DEAF1: variants seen among roughly 807,000 people sequenced by gnomAD.
The protein encoded by DEAF1 is DEAF1 transcription factor, also known as deformed epidermal autoregulatory factor 1 homolog.
A neutral mutation model predicts 58.9 loss-of-function variants in DEAF1; 53 were observed. The observed-to-expected ratio is 0.90, with a 90% CI of 0.72 to 1.13. The LOEUF (loss-of-function observed/expected upper bound fraction) is 1.13. Among genes scored for constraint, DEAF1 ranks in the 50% most tolerant of loss-of-function variants. The pLI is 0.00. For synonymous variants in DEAF1, 385 were observed against 340.4 expected (o/e 1.13, Z -1.44); for missense variants, 685 against 791.4 (o/e 0.87, Z 1.61).
chr11:684,866 G>T, intron 6 of DEAF1, 32 bp downstream of exon 6: 1 of 1,548,862 alleles, frequency 6.5e-7, no homozygotes, highest in East Asian at 2.4e-5. Flanking sequence ...GCCCCACCAA[G>T]TCATCCTGTT....
At position 673,136 on chromosome 11, in the gene DEAF1, G is replaced by A. The variant is rs141285272; in HGVS notation, c.1503+1400C>T. Among the ~76,000 whole-genome samples, 74 of 151,830 alleles carry A rather than the reference G, an allele frequency of 4.9e-4. 2 individuals carry two copies. Among genetic ancestry groups the A allele is most frequent in the Middle Eastern group, 3.4e-3 (1 of 294 alleles). On this transcript the variant is annotated intron_variant, in intron 10 of 11. Transcript: ENST00000382409. ...TGCACTCCAGCCTGGGTGATGGAGCGAGACTCCGTCTCAAAAAATAAAATA... is the reference window on the plus strand; with the variant it reads ...TGCACTCCAGCCTGGGTGATGGAGCAAGACTCCGTCTCAAAAAATAAAATA...
At chr11:685,839 G>C (rs936959391) in intron 5 of DEAF1, among the ~76,000 whole-genome samples, 4 of 148,974 alleles carry the variant, frequency 2.7e-5, no homozygotes, top group African/African-American at 7.5e-5. Context: ...AACATGGTTG[G>C]TCTCCATTAA....
chr11:681,679 G>A (rs1315073731), intron 6 of DEAF1, among the ~76,000 whole-genome samples: 1 of 151,930 alleles, frequency 6.6e-6, no homozygotes, highest in Non-Finnish European at 1.5e-5. Flanking sequence ...CAAAGTGCTA[G>A]GATTACAGGC....
intron 2 of DEAF1, 100 bp downstream of exon 2, chr11:691,401 C>T (rs764093232): frequency 4.9e-5 from 54 of 1,091,074 alleles, no homozygotes; most frequent in Non-Finnish European, 6.5e-5. Context: ...ACAGAGCAGA[C>T]GTTCACACAG....
intron 1 of DEAF1, chr11:704,249 C>T (rs1307651523): frequency 2.5e-6 from 2 of 785,254 alleles, no homozygotes; most frequent in Non-Finnish European, 3.5e-6. Flanking sequence ...CCCTGGCTGC[C>T]GGGCGCCTTC....
At chr11:669,722 G>C (rs1249320024) in intron 10 of DEAF1, among the ~76,000 whole-genome samples, 1 of 151,746 alleles carries the variant, frequency 6.6e-6, no homozygotes, top group Non-Finnish European at 1.5e-5. Flanking sequence ...CTGAGGTCAG[G>C]AGTTCAAGAC....
At chr11:650,509 A>G (rs1322150327) in intron 11 of DEAF1, among the ~76,000 whole-genome samples, 3 of 151,276 alleles carry the variant, frequency 2.0e-5, no homozygotes, top group Non-Finnish European at 2.9e-5. Context: ...ATGTTTGTTT[A>G]TTTATATGTT....
chr11:672,128 G>A (rs1236517221), intron 10 of DEAF1, among the ~76,000 whole-genome samples: 4 of 152,172 alleles, frequency 2.6e-5, no homozygotes, highest in Admixed American at 2.6e-4. Flanking sequence ...TACAGGTCCT[G>A]GGGAAACTAC....
chr11:686,553 G>C (rs538733062), intron 5 of DEAF1, among the ~76,000 whole-genome samples: 29 of 152,300 alleles, frequency 1.9e-4, no homozygotes, highest in Middle Eastern at 3.4e-3. Context: ...AACTTCTACT[G>C]TTTTCATTTT....
chr11:647,496 C>A (rs1436276135), intron 11 of DEAF1, among the ~76,000 whole-genome samples: 2 of 151,982 alleles, frequency 1.3e-5, no homozygotes, highest in African/African-American at 2.4e-5. Flanking sequence ...CAAATAAAAA[C>A]CAAAAATAAG....
At position 645,471 on chromosome 11, in the gene DEAF1, C is replaced by G. The variant is rs1858444966; in HGVS notation, c.1594-817G>C. Among the ~76,000 whole-genome samples, 3 of 152,062 alleles carry G rather than the reference C, an allele frequency of 2.0e-5. No homozygotes were observed. In the South Asian group the frequency reaches 6.2e-4, roughly 32 times the overall value. ...AGCTGGGATTACAGGTGCACGCCAC[C>G]ACACCTGGCTAATGTTTTGCATTTT... On this transcript the variant is annotated intron_variant, in intron 11 of 11. Coordinates refer to ENST00000382409, the MANE Select transcript of DEAF1 (RefSeq NM_021008.4).
chr11:689,196 CTTTTTCTTTTTTTT>C (rs1219186493), intron 2 of DEAF1, among the ~76,000 whole-genome samples: 1 of 135,750 alleles, frequency 7.4e-6, no homozygotes, highest in Non-Finnish European at 1.6e-5. Flanking sequence ...TTCTTTTTTT[CTTTTTCTTTTTTTT>C]TTTTTTTTTT....
intron 1 of DEAF1, among the ~76,000 whole-genome samples, chr11:692,704 T>A (rs1319432873): frequency 2.0e-5 from 3 of 151,630 alleles, no homozygotes; most frequent in Non-Finnish European, 4.4e-5. Flanking sequence ...AATACAAAAT[T>A]AGCCGGGCGT....
At chr11:685,901 T>C (rs1860573680) in intron 5 of DEAF1, among the ~76,000 whole-genome samples, 1 of 151,756 alleles carries the variant, frequency 6.6e-6, no homozygotes, top group African/African-American at 2.4e-5. Context: ...TCCCAGCACT[T>C]TGAGAGGCGA....
rs748500387 is a variant in DEAF1 at position 644,621 on chromosome 11, A to C, written c.1627T>G (p.Ser543Ala). ...TCTGCCTGGACGGTGACAGCTGCTG[A>C]CTGGCCGCATATGTGCTGGTGATCC... ...WKDHQHICGQ[S>A]AAVTVQADEV... The change falls in exon 12 of 12, where the codon TCA becomes GCA. Residue 543 changes from serine to alanine, a missense_variant. Physicochemically the swap from Ser to Ala is moderately conservative, Grantham distance 99. Transcript: ENST00000382409. The surrounding 1 kb of genome is among the most constrained non-coding windows in gnomAD (Gnocchi z 4.3). The C allele has an allele frequency of 9.3e-6, 15 of 1,612,688 alleles. No individual in the cohort carries two copies. Among genetic ancestry groups the C allele is most frequent in the African/African-American group, 1.3e-5 (1 of 74,984 alleles).
chr11:686,330 A>G (rs1333980924), intron 5 of DEAF1, among the ~76,000 whole-genome samples: 1 of 150,394 alleles, frequency 6.6e-6, no homozygotes, highest in Non-Finnish European at 1.5e-5. Context: ...AGTAATTTCC[A>G]GAGCCTTCTC....
rs1015965953 is a variant in DEAF1, at chr11:680,928, C to T, written c.997+35G>A. ...AGAGAAGGCAATGCACTCAGGTCCC[C>T]TCAGTAAACTAGAGCTGTGTTTTCT... On this transcript the variant is annotated intron_variant, in intron 7 of 11. Transcript: ENST00000382409. 8 of 1,613,928 alleles carry T rather than the reference C, an allele frequency of 5.0e-6. No individual in the cohort carries two copies. The African/African-American group carries it at 1.1e-4, about 22-fold the overall frequency.
At chr11:680,035 C>A (rs1860279321) in intron 7 of DEAF1, 2 of 575,204 alleles carry the variant, frequency 3.5e-6, no homozygotes, top group East Asian at 6.1e-5. Flanking sequence ...CTTGCCACTA[C>A]CAATTGTTCG....
In DEAF1 at chr11:686,864, G is replaced by A. The variant is rs1212930083; in HGVS notation, c.798C>T (p.Leu266=). The change falls in exon 5 of 12, where the codon CTC becomes CTT. Residue 266 remains leucine (L), a synonymous_variant. Coordinates refer to ENST00000382409, the MANE Select transcript of DEAF1 (RefSeq NM_021008.4). ...IRYAGRPLQC[L]IQDGILNPHA... ...GTGAGGTCACGGACGATACCTGGAT[G>A]AGGCACTGCAAGGGTCGGCCCGCGT... is the stretch of plus-strand genomic sequence containing the variant. 3 of 1,614,076 alleles carry A rather than the reference G, an allele frequency of 1.9e-6. No individual in the cohort carries two copies. Among genetic ancestry groups the A allele is most frequent in the Non-Finnish European group, 2.5e-6 (3 of 1,180,058 alleles).
Sources: gnomAD v4.1 joint callset for allele counts (sites outside exome capture counted in the v4.1 genomes callset) on GRCh38, gnomAD v4.1.1 for gene constraint, Gnocchi (gnomAD v3.1) non-coding constraint, MANE v1.5 for transcripts, NCBI Gene and HGNC (gene_info 2026-07-23, HGNC 2026-07-21) for gene names.